PLCL1: variants seen among roughly 807,000 people sequenced by gnomAD.
The protein encoded by PLCL1 is phospholipase C like 1 (inactive).
Under a neutral mutation model 84.4 loss-of-function variants are expected in PLCL1, and 41 were observed. The observed-to-expected ratio is 0.49, with a 90% confidence interval of 0.38 to 0.63. PLCL1 has a LOEUF of 0.63. Ranked by LOEUF, PLCL1 falls within the 30% of genes least tolerant of loss-of-function variation. PLCL1 has a pLI of 0.00. For missense variants in PLCL1, 1,206 were observed against 1,367.8 expected, an observed-to-expected ratio of 0.88 and a Z score of 1.87; for synonymous variants, 490 against 488.3, an observed-to-expected ratio of 1.00 and a Z score of -0.05.
chr2:197,859,058 G>A (rs1225370215), intron 1 of PLCL1, among the ~76,000 whole-genome samples: 3 of 152,132 alleles, frequency 2.0e-5, no homozygotes, highest in Non-Finnish European at 1.5e-5. Flanking sequence ...CACTTGTGCT[G>A]CATTCTATTC....
chr2:197,933,643 T>C (rs1187836223), intron 1 of PLCL1, among the ~76,000 whole-genome samples: 1 of 152,176 alleles, frequency 6.6e-6, no homozygotes, highest in Non-Finnish European at 1.5e-5. Flanking sequence ...TTCATTATCA[T>C]CGTGGATAAT....
intron 1 of PLCL1, among the ~76,000 whole-genome samples, chr2:197,900,545 T>G (rs1688244362): frequency 6.6e-6 from 1 of 152,196 alleles, no homozygotes; most frequent in Admixed American, 6.5e-5. Context: ...CTCACCAATG[T>G]GTGAAAGAAT....
intron 1 of PLCL1, among the ~76,000 whole-genome samples, chr2:197,873,185 A>G (rs2105706835): frequency 6.6e-6 from 1 of 152,176 alleles, no homozygotes; most frequent in African/African-American, 2.4e-5. Flanking sequence ...GTTTACTATA[A>G]CATTATTCAA....
intron 1 of PLCL1, among the ~76,000 whole-genome samples, chr2:197,826,281 C>T (rs1418329880): frequency 2.0e-5 from 3 of 152,134 alleles, no homozygotes; most frequent in African/African-American, 4.8e-5. Flanking sequence ...CTATCATCTA[C>T]CTACGCTTCA....
In PLCL1 at chr2:197,805,243, G is replaced by A. The variant is rs991130443; in HGVS notation, c.144G>A (p.Gly48=). ...GCCGGATGAGGGACCGTCGCAGCGGGGTCGCACTGCCAGGCGCCGCGGGGA... is the reference window on the plus strand; with the variant it reads ...GCCGGATGAGGGACCGTCGCAGCGGAGTCGCACTGCCAGGCGCCGCGGGGA... ...SGGRMRDRRS[G]VALPGAAGTP... is the part of the protein sequence containing the mutation. Residue 48 remains glycine, a synonymous_variant, in exon 1 of 6, where the codon GGG becomes GGA. Coordinates refer to ENST00000428675, the MANE Select transcript of PLCL1 (RefSeq NM_006226.4). This position sits in a 1 kb window ranked among gnomAD's most constrained non-coding sequence, Gnocchi z 4.0. 1 of 1,269,462 alleles carries A rather than the reference G, an allele frequency of 7.9e-7. No homozygotes were observed. The highest frequency in any genetic ancestry group is 2.8e-4 in the Middle Eastern group (1 of 3,608). The allele number at this position is 1,269,462 out of a possible 1,614,324, so 78.6% of individuals were successfully genotyped here. A position where few individuals can be genotyped will look rare whatever the true frequency, so the allele number is the denominator to read the frequency against.
chr2:197,843,074 A>G (rs1211117797), intron 1 of PLCL1, among the ~76,000 whole-genome samples: 2 of 152,038 alleles, frequency 1.3e-5, no homozygotes, highest in Non-Finnish European at 2.9e-5. Context: ...TTCTTTATTC[A>G]TCTGTGTGTT....
At position 197,911,538 on chromosome 2, in the gene PLCL1, T is replaced by C. The variant is rs78857919; in HGVS notation, c.240+106199T>C. Among the ~76,000 whole-genome samples, 1,082 of 152,258 alleles carry C rather than the reference T, an allele frequency of 7.1e-3. 20 individuals are homozygous for C. Among genetic ancestry groups the C allele is most frequent in the African/African-American group, 0.024 (1,016 of 41,528 alleles). On this transcript the variant is annotated intron_variant, in intron 1 of 5. Coordinates refer to ENST00000428675, the MANE Select transcript of PLCL1 (RefSeq NM_006226.4). ...ATATTAATTAGAACTGCATAAAATA[T>C]TGTACTTTATTTACCTTTGGAAGAT... is the stretch of plus-strand genomic sequence containing the variant.
chr2:197,871,824 C>T (rs955145844), intron 1 of PLCL1, among the ~76,000 whole-genome samples: 1 of 152,122 alleles, frequency 6.6e-6, no homozygotes, highest in African/African-American at 2.4e-5. Flanking sequence ...GGTTAACACA[C>T]AACCATAAGA....
At chr2:198,071,807 C>A (rs1045465119) in intron 1 of PLCL1, among the ~76,000 whole-genome samples, 4 of 151,818 alleles carry the variant, frequency 2.6e-5, no homozygotes, top group Non-Finnish European at 5.9e-5. Context: ...AGGTCTTCTT[C>A]ACCCAAAACT....
chr2:197,877,682 C>T (rs987022175), intron 1 of PLCL1, among the ~76,000 whole-genome samples: 5 of 152,052 alleles, frequency 3.3e-5, no homozygotes, highest in African/African-American at 4.8e-5. Context: ...TAAACAATTG[C>T]TTAAATATAT....
intron 1 of PLCL1, among the ~76,000 whole-genome samples, chr2:197,887,074 C>A (rs1378976625): frequency 6.6e-6 from 1 of 152,132 alleles, no homozygotes; most frequent in South Asian, 2.1e-4. Context: ...CCCTAGAGAC[C>A]TGCATCCTTA....
chr2:197,851,860 A>G (rs1336367313), intron 1 of PLCL1, among the ~76,000 whole-genome samples: 1 of 152,164 alleles, frequency 6.6e-6, no homozygotes, highest in East Asian at 1.9e-4. Context: ...ACTCCACCTC[A>G]CCCAAACCCT....
At chr2:198,112,231 C>T (rs974571092) in intron 5 of PLCL1, among the ~76,000 whole-genome samples, 1 of 151,778 alleles carries the variant, frequency 6.6e-6, no homozygotes, top group Non-Finnish European at 1.5e-5. Flanking sequence ...ATCAGCTTCC[C>T]AGGGCCTGAT....
At chr2:198,104,296 G>A (rs938670022) in intron 5 of PLCL1, among the ~76,000 whole-genome samples, 4 of 151,828 alleles carry the variant, frequency 2.6e-5, no homozygotes, top group Admixed American at 6.6e-5. Context: ...ATAGTATTTG[G>A]TTTTCTGTTT....
At chr2:198,070,008 G>T (rs1033738247) in intron 1 of PLCL1, among the ~76,000 whole-genome samples, 19 of 152,048 alleles carry the variant, frequency 1.2e-4, no homozygotes, top group African/African-American at 4.6e-4. Context: ...GTTGCGGGGC[G>T]GAATGCAAAG....
chr2:197,894,219 A>G (rs1248715011), intron 1 of PLCL1, among the ~76,000 whole-genome samples: 1 of 151,992 alleles, frequency 6.6e-6, no homozygotes, highest in African/African-American at 2.4e-5. Context: ...AGCTTTGTCA[A>G]CCTTAAAAGT....
chr2:197,983,364 G>A (rs1690158054), intron 1 of PLCL1, among the ~76,000 whole-genome samples: 1 of 150,682 alleles, frequency 6.6e-6, no homozygotes, highest in African/African-American at 2.4e-5. Context: ...TGAGTAGCTG[G>A]GACCACAGGC....
intron 1 of PLCL1, among the ~76,000 whole-genome samples, chr2:197,923,934 T>C (rs1688777222): frequency 6.6e-6 from 1 of 151,404 alleles, no homozygotes; most frequent in African/African-American, 2.4e-5. Context: ...GGCTGGCGGA[T>C]CACTCGCGGT....
At chr2:197,922,907 A>AC (rs1362817933) in intron 1 of PLCL1, among the ~76,000 whole-genome samples, 5 of 103,248 alleles carry the variant, frequency 4.8e-5, no homozygotes, top group African/African-American at 7.3e-5. Context: ...CGGGGGGCTG[A>AC]CCCCCCCACC....
Sources: allele counts gnomAD v4.1 joint callset (sites outside exome capture counted in the v4.1 genomes callset), GRCh38; gene constraint gnomAD v4.1.1; non-coding constraint Gnocchi (gnomAD v3.1); transcripts MANE v1.5; gene names NCBI Gene and HGNC (gene_info 2026-07-23, HGNC 2026-07-21).